The following GRIN2B variants were observed in gnomAD, a reference collection of about 807,000 sequenced individuals.
GRIN2B encodes the protein glutamate receptor ionotropic, NMDA 2B.
A neutral mutation model predicts 114.5 loss-of-function variants in GRIN2B; 5 were observed. The observed-to-expected ratio is 0.04, with a 90% CI of 0.02 to 0.09. The LOEUF (loss-of-function observed/expected upper bound fraction) is 0.09, where lower values mean the gene tolerates loss of function less well. Ranked by LOEUF, GRIN2B falls within the 10% of genes least tolerant of loss-of-function variation. The pLI is 1.00. For synonymous variants in GRIN2B, 787 were observed against 745.1 expected, an observed-to-expected ratio of 1.06 and a Z score of -0.92; for missense variants, 1,108 against 1,943.5, an observed-to-expected ratio of 0.57 and a Z score of 8.08.
rs755061158 is a variant in GRIN2B, at chr12:13,904,976, AT to A, written c.-18-38751del. On this transcript the variant is annotated intron_variant, in intron 2 of 13. Coordinates refer to ENST00000609686, the MANE Select transcript of GRIN2B (RefSeq NM_000834.5). ...CATTTATTTATGTTTCTTAGTGCTT[AT>A]TGGGCCTTTTGAATCTGTAGATTTG... Among the ~76,000 whole-genome samples, 4 of 152,102 alleles carry A rather than the reference AT, an allele frequency of 2.6e-5. No individual in the cohort carries two copies. In the East Asian group the frequency reaches 5.8e-4, roughly 22 times the overall value.
intron 3 of GRIN2B, among the ~76,000 whole-genome samples, chr12:13,830,335 T>C (rs1450821302): frequency 6.6e-6 from 1 of 152,232 alleles, no homozygotes; most frequent in East Asian, 1.9e-4. Flanking sequence ...CAAATAAGGT[T>C]AAGGTACTCA....
At chr12:13,700,174 T>C (rs1359634577) in intron 4 of GRIN2B, among the ~76,000 whole-genome samples, 2 of 152,152 alleles carry the variant, frequency 1.3e-5, no homozygotes, top group Non-Finnish European at 1.5e-5. Flanking sequence ...GCACAGTAAG[T>C]ACACTGGTTT....
intron 3 of GRIN2B, among the ~76,000 whole-genome samples, chr12:13,790,881 G>A (rs926756437): frequency 2.6e-5 from 4 of 152,196 alleles, no homozygotes; most frequent in African/African-American, 9.7e-5. Flanking sequence ...TAAGGACCCA[G>A]AGAGCGGGGC....
At chr12:13,772,676 G>A (rs1409740225) in intron 3 of GRIN2B, among the ~76,000 whole-genome samples, 1 of 152,194 alleles carries the variant, frequency 6.6e-6, no homozygotes, top group African/African-American at 2.4e-5. Flanking sequence ...TGAACTAAGA[G>A]CAAGAAGAGG....
At chr12:13,980,705 G>T (rs1416523019) in intron 1 of GRIN2B, among the ~76,000 whole-genome samples, 1 of 152,110 alleles carries the variant, frequency 6.6e-6, no homozygotes, top group African/African-American at 2.4e-5. Flanking sequence ...CACACACGCA[G>T]AAACACAATT....
At chr12:13,580,569 G>T (rs1419944952) in intron 10 of GRIN2B, among the ~76,000 whole-genome samples, 3 of 152,332 alleles carry the variant, frequency 2.0e-5, no homozygotes, top group Admixed American at 2.0e-4. Flanking sequence ...GAAAGGCTTA[G>T]GAGATGTGAA....
At chr12:13,823,631 C>T (rs1198124338) in intron 3 of GRIN2B, among the ~76,000 whole-genome samples, 1 of 152,072 alleles carries the variant, frequency 6.6e-6, no homozygotes, top group African/African-American at 2.4e-5. Context: ...TTTCCTTTCT[C>T]ATCAATATTC....
intron 2 of GRIN2B, among the ~76,000 whole-genome samples, chr12:13,930,585 C>T (rs971371919): frequency 6.6e-6 from 1 of 152,084 alleles, no homozygotes; most frequent in African/African-American, 2.4e-5. Flanking sequence ...TTTGGTTTGT[C>T]TACATTTGAA....
chr12:13,968,173 C>T (rs1056731207), intron 2 of GRIN2B, among the ~76,000 whole-genome samples: 6 of 152,204 alleles, frequency 3.9e-5, no homozygotes, highest in Non-Finnish European at 5.9e-5. Flanking sequence ...TTGCCACTCA[C>T]GGCATGTCTT....
At chr12:13,586,812 A>G (rs1948931242) in intron 10 of GRIN2B, among the ~76,000 whole-genome samples, 1 of 152,226 alleles carries the variant, frequency 6.6e-6, no homozygotes, top group African/African-American at 2.4e-5. Context: ...ACCATTGGTC[A>G]TGAAACTATC....
intron 3 of GRIN2B, among the ~76,000 whole-genome samples, chr12:13,767,879 G>A (rs543413979): frequency 1.5e-4 from 23 of 152,274 alleles, no homozygotes; most frequent in Middle Eastern, 6.8e-3. Flanking sequence ...GTTACAGTAA[G>A]TTATTAATAT....
chr12:13,835,942 G>C (rs1311632803), intron 3 of GRIN2B, among the ~76,000 whole-genome samples: 1 of 152,100 alleles, frequency 6.6e-6, no homozygotes, highest in Non-Finnish European at 1.5e-5. Flanking sequence ...GAGTGTAAGG[G>C]AGGTTTGAGA....
intron 2 of GRIN2B, among the ~76,000 whole-genome samples, chr12:13,881,035 C>T (rs529176754): frequency 2.0e-4 from 31 of 152,178 alleles, no homozygotes; most frequent in African/African-American, 6.7e-4. Flanking sequence ...CACGCATGTG[C>T]GCAGGTGTGC....
chr12:13,730,626 G>A (rs558511171), intron 4 of GRIN2B, among the ~76,000 whole-genome samples: 5 of 152,210 alleles, frequency 3.3e-5, no homozygotes, highest in East Asian at 1.9e-4. Context: ...CATTGTAGGC[G>A]ATAGTGAGTG....
At chr12:13,752,375 A>T (rs1055376331) in intron 4 of GRIN2B, among the ~76,000 whole-genome samples, 1 of 152,254 alleles carries the variant, frequency 6.6e-6, no homozygotes, top group African/African-American at 2.4e-5. Flanking sequence ...TTGTGTATTT[A>T]TGTCCATATA....
intron 3 of GRIN2B, among the ~76,000 whole-genome samples, chr12:13,765,917 A>G (rs775389396): frequency 5.9e-5 from 9 of 152,134 alleles, no homozygotes; most frequent in East Asian, 1.9e-4. Context: ...CTGTCTATAC[A>G]TCCTTGTTTC....
intron 3 of GRIN2B, among the ~76,000 whole-genome samples, chr12:13,851,323 A>G (rs1591767048): frequency 6.6e-6 from 1 of 151,712 alleles, no homozygotes; most frequent in African/African-American, 2.4e-5. Context: ...CCTCATCTCC[A>G]TTAGCTTCTT....
At chr12:13,694,211 A>T (rs1950238912) in intron 4 of GRIN2B, among the ~76,000 whole-genome samples, 1 of 152,108 alleles carries the variant, frequency 6.6e-6, no homozygotes, top group South Asian at 2.1e-4. Flanking sequence ...ACAGCTCAAC[A>T]CTCAGCTCTC....
At chr12:13,905,622 T>C (rs1866524352) in intron 2 of GRIN2B, among the ~76,000 whole-genome samples, 1 of 152,162 alleles carries the variant, frequency 6.6e-6, no homozygotes, top group Non-Finnish European at 1.5e-5. Context: ...GGGAGGTGGT[T>C]CCCGGCAGTC....
Sources: allele counts gnomAD v4.1 joint callset (sites outside exome capture counted in the v4.1 genomes callset), GRCh38; gene constraint gnomAD v4.1.1; transcripts MANE v1.5; gene names NCBI Gene and HGNC (gene_info 2026-07-23, HGNC 2026-07-21).